The following SCN11A variants were observed in gnomAD, a reference collection of about 807,000 sequenced individuals.
SCN11A encodes sodium channel protein type 11 subunit alpha.
SCN11A carries 122 observed loss-of-function variants against 162.2 expected under a neutral mutation model. The ratio of observed to expected loss-of-function variants is 0.75; its 90% CI spans 0.65 to 0.87. SCN11A has a LOEUF of 0.87. Ranked by LOEUF, SCN11A falls within the 40% of genes least tolerant of loss-of-function variation. The pLI, the probability that SCN11A is intolerant of heterozygous loss-of-function variation, is 0.00. For missense variants in SCN11A, 2,015 were observed against 2,181.6 expected, an observed-to-expected ratio of 0.92 and a Z score of 1.52; for synonymous variants, 758 against 751.5, an observed-to-expected ratio of 1.01 and a Z score of -0.14.
At chr3:38,901,953 T>A (rs2065708039) in intron 16 of SCN11A, among the ~76,000 whole-genome samples, 2 of 152,210 alleles carry the variant, frequency 1.3e-5, no homozygotes, top group Admixed American at 6.5e-5. Context: ...AGTTTCCAAC[T>A]GCAAAATGTA....
intron 2 of SCN11A, among the ~76,000 whole-genome samples, chr3:38,985,204 T>C (rs1383988344): frequency 1.4e-5 from 2 of 146,456 alleles, no homozygotes; most frequent in East Asian, 4.1e-4. Flanking sequence ...CTCAGCTCAC[T>C]GCAAGCTCTG....
At chr3:39,031,981 AAC>A (rs1203044507) in intron 2 of SCN11A, among the ~76,000 whole-genome samples, 1 of 152,236 alleles carries the variant, frequency 6.6e-6, no homozygotes, top group African/African-American at 2.4e-5. Context: ...ACATTTTACT[AAC>A]ATAAAAACAA....
chr3:39,024,503 A>G (rs1188193469), intron 2 of SCN11A, among the ~76,000 whole-genome samples: 1 of 152,202 alleles, frequency 6.6e-6, no homozygotes, highest in African/African-American at 2.4e-5. Context: ...CTTAAGAGAA[A>G]AAGTTTCTCC....
intron 5 of SCN11A, among the ~76,000 whole-genome samples, 167 bp from the exon 6 acceptor site, chr3:38,947,074 G>GAAAAC (rs2066529585): frequency 6.6e-6 from 1 of 152,168 alleles, no homozygotes; most frequent in South Asian, 2.1e-4. Context: ...ATCAGAGATG[G>GAAAAC]AAAACACAGG....
intron 7 of SCN11A, among the ~76,000 whole-genome samples, chr3:38,935,142 G>A (rs1177817231): frequency 2.6e-5 from 4 of 152,220 alleles, no homozygotes; most frequent in African/African-American, 4.8e-5. Flanking sequence ...GGTACATAAC[G>A]AAATGAAGGC....
chr3:38,896,982 G>C lies in SCN11A; in HGVS notation c.2266C>G (p.His756Asp). 6.2e-7 allele frequency: 1 copy of C among 1,614,112 alleles called. No homozygotes were observed. Among genetic ancestry groups the C allele is most frequent in the African/African-American group, 1.3e-5 (1 of 75,020 alleles). ...LRHWHMGDFW[H>D]SFLVVFRILC... ...ATGCGGAATACCACTAGGAAGGAGTGCCAGAAATCCCCCATGTGCCAGTGC... is the reference window on the plus strand; with the variant it reads ...ATGCGGAATACCACTAGGAAGGAGTCCCAGAAATCCCCCATGTGCCAGTGC... The change falls in exon 18 of 30, where the codon CAC becomes GAC. Residue 756 changes from histidine to aspartate, a missense_variant. By Grantham distance (81) the His-to-Asp change is moderately conservative. Transcript: ENST00000302328.
Position 38,926,919 on chromosome 3 carries a change from A to G in SCN11A, c.501T>C (p.Thr167=). 6.2e-7 allele frequency: 1 copy of G among 1,613,034 alleles called. No homozygotes were observed. Among genetic ancestry groups the G allele is most frequent in the Non-Finnish European group, 8.5e-7 (1 of 1,179,392 alleles). The stretch of plus-strand genomic sequence containing the variant: ...TCAAAGCTTCAAAAATATAAATCCC[A>G]GTGAAGACACACCTAAAAAGCAAAT... ...NNTDIAECVF[T]GIYIFEALIK... Residue 167 remains threonine, a synonymous_variant, in exon 8 of 30, where the codon ACT becomes ACC. Coordinates refer to ENST00000302328, the MANE Select transcript of SCN11A (RefSeq NM_001349253.2).
intron 12 of SCN11A, among the ~76,000 whole-genome samples, chr3:38,909,540 G>A (rs1211012206): frequency 6.6e-6 from 1 of 151,848 alleles, no homozygotes; most frequent in African/African-American, 2.4e-5. Context: ...GGGTTCTTTG[G>A]AGTCTTCTTC....
At chr3:39,001,145 A>G (rs1043074230) in intron 2 of SCN11A, among the ~76,000 whole-genome samples, 1 of 152,218 alleles carries the variant, frequency 6.6e-6, no homozygotes, top group Non-Finnish European at 1.5e-5. Context: ...AAAATTCACC[A>G]TTTTAACCAT....
At chr3:38,942,737 T>C (rs937000669) in intron 7 of SCN11A, among the ~76,000 whole-genome samples, 24 of 152,142 alleles carry the variant, frequency 1.6e-4, no homozygotes, top group African/African-American at 5.3e-4. Flanking sequence ...TATACAATTG[T>C]ATAAGAAGAA....
intron 7 of SCN11A, among the ~76,000 whole-genome samples, chr3:38,942,148 G>A (rs1466490170): frequency 2.6e-5 from 4 of 151,994 alleles, no homozygotes; most frequent in African/African-American, 4.8e-5. Context: ...TACATCAGGA[G>A]GATAATAATA....
chr3:38,905,943 C>T (rs546803775), intron 14 of SCN11A, among the ~76,000 whole-genome samples: 2 of 152,340 alleles, frequency 1.3e-5, no homozygotes, highest in East Asian at 3.9e-4. Context: ...GTGCAAACCT[C>T]CAGCTATCCA....
chr3:38,916,893 C>T (rs931065906), intron 11 of SCN11A, among the ~76,000 whole-genome samples: 3 of 152,184 alleles, frequency 2.0e-5, no homozygotes, highest in East Asian at 3.9e-4. Context: ...AAGATGATCA[C>T]AGACCTGCCT....
intron 17 of SCN11A, among the ~76,000 whole-genome samples, chr3:38,899,457 C>G (rs1259320283): frequency 6.6e-6 from 1 of 152,220 alleles, no homozygotes; most frequent in Non-Finnish European, 1.5e-5. Context: ...CACCTGCCAT[C>G]AGCTCCCCTG....
At chr3:38,905,045 C>G in intron 15 of SCN11A, 147 bp downstream of exon 15, 1 of 1,018,342 alleles carries the variant, frequency 9.8e-7, no homozygotes, top group Non-Finnish European at 1.5e-6. Flanking sequence ...TCCAAAGAGG[C>G]AAAGGAAGTC....
At chr3:39,041,773 T>C (rs1430213741) in intron 1 of SCN11A, among the ~76,000 whole-genome samples, 2 of 151,802 alleles carry the variant, frequency 1.3e-5, no homozygotes, top group Admixed American at 1.3e-4. Flanking sequence ...ACTAACTGAT[T>C]GAAAAGATAC....
intron 17 of SCN11A, 132 bp from the exon 18 acceptor site, chr3:38,897,357 C>T: frequency 9.0e-6 from 7 of 774,120 alleles, no homozygotes; most frequent in Non-Finnish European, 1.4e-5. Flanking sequence ...TTAAATCTAT[C>T]CTGAACATAG....
At chr3:39,038,537 T>C (rs1020865134) in intron 1 of SCN11A, among the ~76,000 whole-genome samples, 4 of 152,220 alleles carry the variant, frequency 2.6e-5, no homozygotes, top group African/African-American at 9.7e-5. Context: ...TTCAAAAAAG[T>C]GTTGCCACTT....
chr3:38,956,167 C>T (rs1559555500), intron 3 of SCN11A, among the ~76,000 whole-genome samples: 1 of 152,066 alleles, frequency 6.6e-6, no homozygotes, highest in Non-Finnish European at 1.5e-5. Flanking sequence ...ATCACTTGAA[C>T]CCTGGAGGTG....
Sources: allele counts gnomAD v4.1 joint callset (sites outside exome capture counted in the v4.1 genomes callset), GRCh38; gene constraint gnomAD v4.1.1; transcripts MANE v1.5; gene names NCBI Gene and HGNC (gene_info 2026-07-23, HGNC 2026-07-21).